Variants in ELMOD1 observed in about 807,000 individuals in gnomAD.
ELMOD1 encodes ELMO domain containing 1, also known as ELMO domain-containing protein 1.
ELMOD1 carries 21 observed loss-of-function variants against 46.7 expected under a neutral mutation model. The observed-to-expected ratio is 0.45, with a 90% confidence interval of 0.32 to 0.65. The LOEUF is 0.65. Ranked by LOEUF, ELMOD1 falls within the 30% of genes least tolerant of loss-of-function variation. The probability of loss-of-function intolerance (pLI) is 0.04; values close to 1 mark genes in which losing one functional copy is unlikely to be tolerated. For missense variants in ELMOD1, 348 were observed against 407.8 expected, an observed-to-expected ratio of 0.85 and a Z score of 1.26; for synonymous variants, 122 against 138.2, an observed-to-expected ratio of 0.88 and a Z score of 0.82.
chr11:107,591,887 G>A (rs1280922881), intron 1 of ELMOD1: 2 of 491,368 alleles, frequency 4.1e-6, no homozygotes, highest in South Asian at 3.0e-5. Flanking sequence ...GCCGGACTGT[G>A]GGGTCCTCCG....
intron 2 of ELMOD1, among the ~76,000 whole-genome samples, chr11:107,627,596 G>C (rs1866064661): frequency 1.3e-5 from 2 of 152,314 alleles, no homozygotes; most frequent in South Asian, 4.1e-4. Flanking sequence ...AGAAATTAGA[G>C]TTGGGCTGTA....
In ELMOD1 at chr11:107,666,731, CT is replaced by C. The variant is rs1233386025; in HGVS notation, c.*1535del. Reference sequence around the variant, plus strand: ...TATTTAAATGAATTTTGAGTACTGCCTAATTGTCAGTTATATGAATAAATTA... The same window carrying C: ...TATTTAAATGAATTTTGAGTACTGCCAATTGTCAGTTATATGAATAAATTA... On this transcript the variant is annotated 3_prime_UTR_variant, in exon 12 of 12. Coordinates refer to ENST00000265840, the MANE Select transcript of ELMOD1 (RefSeq NM_018712.4). The C allele has an allele frequency of 6.6e-6, 1 of 152,446 alleles. No homozygotes were observed. Among genetic ancestry groups the C allele is most frequent in the East Asian group, 1.9e-4 (1 of 5,186 alleles). The allele number at this position is 152,446 out of a possible 1,614,324, so 9.4% of individuals were successfully genotyped here.
At chr11:107,656,387 C>CA (rs1040397291) in intron 11 of ELMOD1, among the ~76,000 whole-genome samples, 16 of 143,680 alleles carry the variant, frequency 1.1e-4, no homozygotes, top group Admixed American at 4.2e-4. Context: ...GACTCCATCT[C>CA]AAAAAAAATG....
intron 1 of ELMOD1, among the ~76,000 whole-genome samples, chr11:107,593,790 G>T (rs1046404516): frequency 1.3e-5 from 2 of 152,054 alleles, no homozygotes; most frequent in South Asian, 4.1e-4. Context: ...ATTCAGTTTC[G>T]ACTGGGCAGC....
intron 8 of ELMOD1, 149 bp downstream of exon 8, chr11:107,650,552 G>T: frequency 1.5e-6 from 1 of 673,158 alleles, no homozygotes; most frequent in South Asian, 1.9e-5. Flanking sequence ...TGAGTTGGAG[G>T]GTTAAAACTT....
At chr11:107,592,320 G>C in intron 1 of ELMOD1, 1 of 532,764 alleles carries the variant, frequency 1.9e-6, no homozygotes, top group South Asian at 1.4e-5. Flanking sequence ...CCACCACCTA[G>C]GAAAATACGC....
At chr11:107,620,506 A>C (rs141612349) in intron 2 of ELMOD1, 4 of 152,360 alleles carry the variant, frequency 2.6e-5, no homozygotes, top group African/African-American at 9.6e-5. Context: ...TAAATTGAGG[A>C]TAGAAATGGG....
chr11:107,621,283 C>T (rs767697706), intron 2 of ELMOD1, among the ~76,000 whole-genome samples: 4 of 152,134 alleles, frequency 2.6e-5, no homozygotes, highest in Non-Finnish European at 5.9e-5. Flanking sequence ...AAAATATCTG[C>T]CAAGCTCAAA....
At chr11:107,646,898 T>C (rs1866435933) in intron 6 of ELMOD1, among the ~76,000 whole-genome samples, 1 of 152,146 alleles carries the variant, frequency 6.6e-6, no homozygotes, top group Non-Finnish European at 1.5e-5. Flanking sequence ...CTCTTAAATA[T>C]TTTTGAGCGC....
intron 2 of ELMOD1, 97 bp from the exon 3 acceptor site, chr11:107,630,320 C>G: frequency 8.6e-7 from 1 of 1,168,886 alleles, no homozygotes; most frequent in Non-Finnish European, 1.2e-6. Flanking sequence ...TTTCTAACCC[C>G]TGATTTTCTC....
chr11:107,633,633 G>A (rs777379894), intron 5 of ELMOD1, among the ~76,000 whole-genome samples: 6 of 151,948 alleles, frequency 3.9e-5, no homozygotes, highest in South Asian at 2.1e-4. Context: ...GGGTTTTACC[G>A]TGTTGGCCAG....
At chr11:107,595,785 TA>T (rs1265464195) in intron 1 of ELMOD1, among the ~76,000 whole-genome samples, 2 of 152,028 alleles carry the variant, frequency 1.3e-5, no homozygotes, top group African/African-American at 4.8e-5. Context: ...GTATGCAAAT[TA>T]AAAAAATAAT....
At position 107,618,172 on chromosome 11, in the gene ELMOD1, A is replaced by G. The variant is rs770468218; in HGVS notation, c.-18A>G. The G allele has an allele frequency of 1.9e-5, 29 of 1,566,402 alleles. No individual in the cohort carries two copies. Among genetic ancestry groups the G allele is most frequent in the Non-Finnish European group, 2.5e-5 (29 of 1,154,542 alleles). On this transcript the variant is annotated 5_prime_UTR_variant, in exon 2 of 12. Coordinates refer to ENST00000265840, the MANE Select transcript of ELMOD1 (RefSeq NM_018712.4). ...TGAGGACAGTTCATATAGCATCTGG[A>G]CAGTCAACACGGGCACCATGAAGCA... is the stretch of plus-strand genomic sequence containing the variant.
At chr11:107,650,839 T>C in intron 8 of ELMOD1, 46 bp from the exon 9 acceptor site, 1 of 1,068,798 alleles carries the variant, frequency 9.4e-7, no homozygotes, top group South Asian at 1.7e-5. Flanking sequence ...CTAAATTGTT[T>C]GCATTTTCAT....
At chr11:107,650,971 GA>G in intron 9 of ELMOD1, 63 bp downstream of exon 9, 1 of 929,404 alleles carries the variant, frequency 1.1e-6, no homozygotes. Flanking sequence ...GTATGGGTAA[GA>G]ATTTTTTTAA....
At chr11:107,654,087 A>T in intron 9 of ELMOD1, 85 bp from the exon 10 acceptor site, 1 of 1,119,326 alleles carries the variant, frequency 8.9e-7, no homozygotes, top group South Asian at 1.4e-5. Flanking sequence ...CATATAGTTA[A>T]CAGTTTTAAC....
intron 5 of ELMOD1, among the ~76,000 whole-genome samples, chr11:107,632,152 G>C (rs1317044915): frequency 6.6e-6 from 1 of 152,108 alleles, no homozygotes; most frequent in African/African-American, 2.4e-5. Context: ...AAGGAGAAAT[G>C]GTTTTTATAT....
At chr11:107,623,873 G>C (rs559908503) in intron 2 of ELMOD1, 1 of 151,978 alleles carries the variant, frequency 6.6e-6, no homozygotes, top group African/African-American at 2.4e-5. Flanking sequence ...GTCTTATTTT[G>C]TATTTGGCTC....
At chr11:107,640,807 A>G (rs925974959) in intron 6 of ELMOD1, among the ~76,000 whole-genome samples, 83 of 152,350 alleles carry the variant, frequency 5.4e-4, no homozygotes, top group African/African-American at 1.9e-3. Flanking sequence ...TTATAAAATT[A>G]TTCAATCTGC....
Sources: gnomAD v4.1 joint callset for allele counts (sites outside exome capture counted in the v4.1 genomes callset) on GRCh38, gnomAD v4.1.1 for gene constraint, MANE v1.5 for transcripts, NCBI Gene and HGNC (gene_info 2026-07-23, HGNC 2026-07-21) for gene names.